The following ARHGAP26 variants were observed in gnomAD, a reference collection of about 807,000 sequenced individuals.
ARHGAP26 encodes Rho GTPase activating protein 26, also known as rho GTPase-activating protein 26.
A neutral mutation model predicts 104.8 loss-of-function variants in ARHGAP26; 38 were observed. That is an observed-to-expected ratio of 0.36 (90% CI 0.28 to 0.48). The LOEUF (loss-of-function observed/expected upper bound fraction) is 0.48, where lower values mean the gene tolerates loss of function less well. ARHGAP26 is among the 20% of genes least tolerant of loss of function. The probability of loss-of-function intolerance (pLI) is 0.99; values close to 1 mark genes in which losing one functional copy is unlikely to be tolerated. For missense variants in ARHGAP26, 704 were observed against 947.9 expected (o/e 0.74, Z 3.38); for synonymous variants, 341 against 340.0 (o/e 1.00, Z -0.03).
chr5:142,910,584 C>T (rs1761703725), intron 9 of ARHGAP26, among the ~76,000 whole-genome samples: 1 of 152,016 alleles, frequency 6.6e-6, no homozygotes, highest in African/African-American at 2.4e-5. Flanking sequence ...AATGAAAATA[C>T]AAAAATTAGC....
chr5:143,149,174 G>C (rs554426882), intron 20 of ARHGAP26, among the ~76,000 whole-genome samples: 1 of 152,114 alleles, frequency 6.6e-6, no homozygotes, highest in Non-Finnish European at 1.5e-5. Flanking sequence ...TGCCTGCCTG[G>C]TACAGATCTG....
At chr5:143,135,729 C>A (rs1438301474) in intron 19 of ARHGAP26, among the ~76,000 whole-genome samples, 1 of 152,214 alleles carries the variant, frequency 6.6e-6, no homozygotes, top group East Asian at 1.9e-4. Context: ...GTAACTAAAT[C>A]TGCTCTTTTT....
At chr5:142,870,177 C>T (rs1009124347) in intron 1 of ARHGAP26, among the ~76,000 whole-genome samples, 12 of 152,332 alleles carry the variant, frequency 7.9e-5, no homozygotes, top group South Asian at 2.1e-4. Flanking sequence ...GCTTGGCATG[C>T]ACCCAGCACC....
chr5:143,189,156 T>A (rs550778286), intron 20 of ARHGAP26, among the ~76,000 whole-genome samples: 8 of 152,368 alleles, frequency 5.3e-5, no homozygotes, highest in African/African-American at 1.9e-4. Context: ...TTACCACTGA[T>A]CTTCTTTCCA....
At chr5:142,967,186 G>A (rs1478400294) in intron 11 of ARHGAP26, among the ~76,000 whole-genome samples, 1 of 152,070 alleles carries the variant, frequency 6.6e-6, no homozygotes, top group Non-Finnish European at 1.5e-5. Context: ...AAGATTCAGG[G>A]CAGGGAAAAC....
At chr5:142,836,411 T>C (rs1328962086) in intron 1 of ARHGAP26, among the ~76,000 whole-genome samples, 1 of 152,234 alleles carries the variant, frequency 6.6e-6, no homozygotes, top group East Asian at 1.9e-4. Context: ...AGATACTCTG[T>C]AAGGCAGGAG....
At chr5:142,940,466 T>C (rs1313640634) in intron 11 of ARHGAP26, among the ~76,000 whole-genome samples, 1 of 152,146 alleles carries the variant, frequency 6.6e-6, no homozygotes, top group Non-Finnish European at 1.5e-5. Context: ...ATCCTCTCCC[T>C]CCTCCCGCCC....
Position 143,134,021 on chromosome 5 carries a change from C to G in ARHGAP26, c.1753C>G (p.Arg585Gly), listed in dbSNP as rs762950382. 1 of 1,613,088 alleles carries G rather than the reference C, an allele frequency of 6.2e-7. No homozygotes were observed. Among genetic ancestry groups the G allele is most frequent in the South Asian group, 1.1e-5 (1 of 90,836 alleles). ...CACCAATGCCCAGCTGCACCTGTCT[C>G]GGAAGAAGAGCAGTGACTCCAAGCC... Reference protein sequence around the residue: ...PLTNAQLHLSRKKSSDSKPPS... With the variant: ...PLTNAQLHLSGKKSSDSKPPS... The change falls in exon 19 of 23, where the codon CGG (arginine) becomes GGG (glycine). Residue 585 changes from arginine to glycine, a missense_variant. Physicochemically the swap from Arg to Gly is moderately radical, Grantham distance 125. Coordinates refer to ENST00000645722, the MANE Select transcript of ARHGAP26 (RefSeq NM_001135608.3).
At chr5:143,040,527 A>G (rs1783304313) in intron 13 of ARHGAP26, among the ~76,000 whole-genome samples, 1 of 152,230 alleles carries the variant, frequency 6.6e-6, no homozygotes, top group South Asian at 2.1e-4. Flanking sequence ...ACAGGACACA[A>G]TTACTGTTTA....
At chr5:142,998,106 T>G (rs1455861633) in intron 11 of ARHGAP26, among the ~76,000 whole-genome samples, 1 of 152,224 alleles carries the variant, frequency 6.6e-6, no homozygotes, top group Non-Finnish European at 1.5e-5. Context: ...CAGTGTTTGT[T>G]GCTGTGTTAT....
At position 142,994,336 on chromosome 5, in the gene ARHGAP26, T is replaced by C. The variant is rs1290907213; in HGVS notation, c.1108-19744T>C. Among the ~76,000 whole-genome samples, 5 of 152,166 alleles carry C rather than the reference T, an allele frequency of 3.3e-5. No homozygotes were observed. In the East Asian group the frequency reaches 9.6e-4, roughly 29 times the overall value. On this transcript the variant is annotated intron_variant, in intron 11 of 22. Coordinates refer to ENST00000645722, the MANE Select transcript of ARHGAP26 (RefSeq NM_001135608.3). ...GATGAGGAAACAGCTAGTAGTTGCATGTAGATGGTCATGAGGTTTGGGAAG... is the reference window on the plus strand; with the variant it reads ...GATGAGGAAACAGCTAGTAGTTGCACGTAGATGGTCATGAGGTTTGGGAAG...
chr5:142,964,025 A>C (rs1292569885), intron 11 of ARHGAP26, among the ~76,000 whole-genome samples: 1 of 152,246 alleles, frequency 6.6e-6, no homozygotes, highest in Non-Finnish European at 1.5e-5. Flanking sequence ...AAGATAAAGC[A>C]AAGCTGAAAT....
At chr5:143,146,246 C>T (rs1446197674) in intron 19 of ARHGAP26, among the ~76,000 whole-genome samples, 2 of 152,122 alleles carry the variant, frequency 1.3e-5, no homozygotes, top group African/African-American at 4.8e-5. Flanking sequence ...AAATTATCTC[C>T]AAAATTTGTG....
intron 14 of ARHGAP26, among the ~76,000 whole-genome samples, chr5:143,050,729 T>C (rs1784884968): frequency 6.6e-6 from 1 of 152,186 alleles, no homozygotes; most frequent in Non-Finnish European, 1.5e-5. Flanking sequence ...ATGTCCAATT[T>C]TGTCTACCAG....
intron 17 of ARHGAP26, among the ~76,000 whole-genome samples, chr5:143,059,121 T>A (rs1327474656): frequency 1.3e-5 from 2 of 152,142 alleles, no homozygotes; most frequent in Admixed American, 6.5e-5. Context: ...GAGAAGCTGG[T>A]TTAGATCTTA....
intron 1 of ARHGAP26, among the ~76,000 whole-genome samples, chr5:142,796,497 A>C (rs1761016593): frequency 6.6e-6 from 1 of 152,250 alleles, no homozygotes; most frequent in African/African-American, 2.4e-5. Flanking sequence ...TCCTAAAAAC[A>C]GTTTGAATTT....
At chr5:142,816,176 C>T (rs1397033958) in intron 1 of ARHGAP26, among the ~76,000 whole-genome samples, 1 of 152,086 alleles carries the variant, frequency 6.6e-6, no homozygotes, top group Non-Finnish European at 1.5e-5. Flanking sequence ...CATTTGGGTA[C>T]AATTTGATTG....
chr5:142,854,641 A>C (rs1461627156), intron 1 of ARHGAP26, among the ~76,000 whole-genome samples: 1 of 152,246 alleles, frequency 6.6e-6, no homozygotes, highest in East Asian at 1.9e-4. Flanking sequence ...TCTTACCTTC[A>C]GCAAAGGAAA....
intron 10 of ARHGAP26, chr5:142,921,897 T>C (rs1304246362): frequency 6.6e-6 from 1 of 152,250 alleles, no homozygotes; most frequent in East Asian, 1.9e-4. Flanking sequence ...CCTGGGGCTT[T>C]ATTGTTGTGA....
Sources: gnomAD v4.1 joint callset for allele counts (sites outside exome capture counted in the v4.1 genomes callset) on GRCh38, gnomAD v4.1.1 for gene constraint, MANE v1.5 for transcripts, NCBI Gene and HGNC (gene_info 2026-07-23, HGNC 2026-07-21) for gene names.